The following FBN2 variants were observed in gnomAD, a reference collection of about 807,000 sequenced individuals.
FBN2 encodes fibrillin-2.
FBN2 carries 105 observed loss-of-function variants against 355.6 expected under a neutral mutation model. The ratio of observed to expected loss-of-function variants is 0.30; its 90% CI spans 0.25 to 0.35. The LOEUF is 0.35. Among genes scored for constraint, FBN2 ranks in the 10% least tolerant of loss-of-function variants. The pLI, the probability that FBN2 is intolerant of heterozygous loss-of-function variation, is 1.00. For synonymous variants in FBN2, 1,350 were observed against 1,301.2 expected, an observed-to-expected ratio of 1.04 and a Z score of -0.81; for missense variants, 3,280 against 3,758.7, an observed-to-expected ratio of 0.87 and a Z score of 3.33.
intron 6 of FBN2, among the ~76,000 whole-genome samples, chr5:128,447,118 G>T (rs80214157): frequency 6.6e-6 from 1 of 152,070 alleles, no homozygotes; most frequent in African/African-American, 2.4e-5. Context: ...TGAGGATGTA[G>T]GTCGCCTCAG....
At chr5:128,350,050 T>A in intron 21 of FBN2, 45 bp from the exon 22 acceptor site, 1 of 1,459,418 alleles carries the variant, frequency 6.9e-7, no homozygotes, top group Non-Finnish European at 9.6e-7. Flanking sequence ...TAGAATAAAA[T>A]ACAACCATGG....
intron 19 of FBN2, among the ~76,000 whole-genome samples, chr5:128,359,163 A>G (rs1185167755): frequency 6.6e-6 from 1 of 152,122 alleles, no homozygotes; most frequent in Admixed American, 6.5e-5. Context: ...AATCTGAAAT[A>G]TAGAAGAACT....
chr5:128,361,640 A>G, intron 19 of FBN2, 83 bp downstream of exon 19: 1 of 1,464,660 alleles, frequency 6.8e-7, no homozygotes, highest in South Asian at 1.1e-5. Flanking sequence ...TCTTTTCACT[A>G]CATTGCTTCA....
rs139830237 is a variant in FBN2, at chr5:128,312,646, G to A, written c.4867C>T (p.Pro1623Ser). 9.9e-6 allele frequency: 16 copies of A among 1,613,926 alleles called. No homozygotes were observed. Among genetic ancestry groups the A allele is most frequent in the East Asian group, 4.5e-5 (2 of 44,848 alleles). The part of the protein sequence containing the change: ...AWGNPCETCP[P>S]VNSTEYYTLC... ...GCTTTGTACTTACTGCTATTGACAG[G>A]GGGGCATGTCTCACAGGGGTTTCCC... is the stretch of plus-strand genomic sequence containing the variant. Residue 1623 changes from proline (P) to serine (S), a missense_variant, in exon 37 of 65, where the codon CCT becomes TCT. Physicochemically the swap from Pro to Ser is moderately conservative, Grantham distance 74. Coordinates refer to ENST00000262464, the MANE Select transcript of FBN2 (RefSeq NM_001999.4).
At chr5:128,454,172 T>C (rs1436694139) in intron 6 of FBN2, among the ~76,000 whole-genome samples, 1 of 152,240 alleles carries the variant, frequency 6.6e-6, no homozygotes, top group East Asian at 1.9e-4. Context: ...TAGAAAACTC[T>C]CCCTGTCCCA....
chr5:128,455,873 G>C (rs1754369442), intron 6 of FBN2, among the ~76,000 whole-genome samples: 1 of 151,760 alleles, frequency 6.6e-6, no homozygotes, highest in Non-Finnish European at 1.5e-5. Context: ...GATTATTACA[G>C]CCTCTGAGCA....
At chr5:128,349,696 C>T (rs1751292241) in intron 22 of FBN2, among the ~76,000 whole-genome samples, 1 of 152,190 alleles carries the variant, frequency 6.6e-6, no homozygotes, top group Admixed American at 6.5e-5. Flanking sequence ...CAGACATGTG[C>T]CTTTCCCAGC....
At chr5:128,301,319 G>A in intron 47 of FBN2, 63 bp downstream of exon 47, 1 of 1,335,446 alleles carries the variant, frequency 7.5e-7, no homozygotes, top group Non-Finnish European at 1.1e-6. Context: ...AAAGGAGGGA[G>A]GCACATATCA....
At chr5:128,459,546 A>G (rs1222922626) in intron 6 of FBN2, among the ~76,000 whole-genome samples, 1 of 152,224 alleles carries the variant, frequency 6.6e-6, no homozygotes, top group African/African-American at 2.4e-5. Context: ...ACAAATTGTG[A>G]AAATCTTCAA....
At chr5:128,311,193 C>A in intron 39 of FBN2, 107 bp downstream of exon 39, 1 of 1,201,346 alleles carries the variant, frequency 8.3e-7, no homozygotes, top group Non-Finnish European at 1.2e-6. Context: ...ATGAACCAAT[C>A]TTAATTGAGC....
intron 7 of FBN2, among the ~76,000 whole-genome samples, chr5:128,443,586 T>C (rs950551121): frequency 6.6e-6 from 1 of 152,142 alleles, no homozygotes; most frequent in African/African-American, 2.4e-5. Flanking sequence ...ATAAGCTAAT[T>C]GCAGTTTCTT....
chr5:128,339,021 A>G lies in FBN2; in HGVS notation c.3384T>C (p.Ser1128=), dbSNP rs149372989. ...TGCCCGGTGTATTGACGCAGATTCC[A>G]CTGCCACAGAGGTCAGGAGAAATCC... ...ECRISPDLCG[S]GICVNTPGSF... Residue 1128 remains serine (S), a synonymous_variant, in exon 26 of 65, where the codon AGT becomes AGC. Coordinates refer to ENST00000262464, the MANE Select transcript of FBN2 (RefSeq NM_001999.4). The G allele has an allele frequency of 1.2e-6, 2 of 1,613,780 alleles. No individual in the cohort carries two copies. The highest frequency in any genetic ancestry group is 1.7e-6 in the Non-Finnish European group (2 of 1,179,778).
chr5:128,262,362 C>A (rs1476146939), intron 63 of FBN2, among the ~76,000 whole-genome samples: 1 of 152,172 alleles, frequency 6.6e-6, no homozygotes, highest in Admixed American at 6.5e-5. Flanking sequence ...CCCTATAATT[C>A]TTTAACACAC....
intron 2 of FBN2, among the ~76,000 whole-genome samples, chr5:128,532,874 G>A (rs192441886): frequency 4.6e-5 from 7 of 152,162 alleles, no homozygotes; most frequent in African/African-American, 1.4e-4. Flanking sequence ...CCAACGCTAC[G>A]AAAATTTTTT....
chr5:128,303,107 C>A lies in FBN2; in HGVS notation c.5801-18G>T, dbSNP rs1470493093. On this transcript the variant is annotated intron_variant, in intron 45 of 64. Transcript: ENST00000262464. ...ATCAACATCTATAAAGAAATATAGG[C>A]TCAAAAAATTCAATTTTTAACTAGA... 1.3e-6 allele frequency: 2 copies of A among 1,484,952 alleles called. No homozygotes were observed. Among genetic ancestry groups the A allele is most frequent in the Non-Finnish European group, 1.9e-6 (2 of 1,062,560 alleles). The allele number at this position is 1,484,952 out of a possible 1,614,324, so 92.0% of individuals were successfully genotyped here. A position where few individuals can be genotyped will look rare whatever the true frequency, so the allele number is the denominator to read the frequency against.
chr5:128,335,968 C>A lies in FBN2; in HGVS notation c.3724+20G>T, dbSNP rs767453181. On this transcript the variant is annotated intron_variant, in intron 28 of 64. Coordinates refer to ENST00000262464, the MANE Select transcript of FBN2 (RefSeq NM_001999.4). ...TGATTTGAGACATATGAGTTTCAGG[C>A]CTGCTTGGTCTCCCCTTACCTGTAC... The A allele has an allele frequency of 1.9e-6, 3 of 1,613,414 alleles. No individual in the cohort carries two copies. Among genetic ancestry groups the A allele is most frequent in the East Asian group, 4.5e-5 (2 of 44,870 alleles).
intron 5 of FBN2, among the ~76,000 whole-genome samples, chr5:128,473,417 T>C (rs1383618426): frequency 1.3e-5 from 2 of 152,226 alleles, no homozygotes; most frequent in African/African-American, 4.8e-5. Context: ...GCCCTTTTAA[T>C]ATATCTTTTT....
chr5:128,534,316 G>T (rs557615753), intron 2 of FBN2, among the ~76,000 whole-genome samples: 1 of 152,076 alleles, frequency 6.6e-6, no homozygotes, highest in Non-Finnish European at 1.5e-5. Context: ...GTTTATAACG[G>T]TTTCATTTCA....
intron 62 of FBN2, among the ~76,000 whole-genome samples, chr5:128,271,027 C>G (rs1765255903): frequency 6.6e-6 from 1 of 152,158 alleles, no homozygotes; most frequent in Non-Finnish European, 1.5e-5. Context: ...AAGCATCTGT[C>G]TTTGACCTGG....
Sources: allele counts gnomAD v4.1 joint callset (sites outside exome capture counted in the v4.1 genomes callset), GRCh38; gene constraint gnomAD v4.1.1; transcripts MANE v1.5; gene names NCBI Gene and HGNC (gene_info 2026-07-23, HGNC 2026-07-21).